The following HOTAIR variants were observed in gnomAD, a reference collection of about 807,000 sequenced individuals.
HOTAIR encodes HOX transcript antisense RNA (non-protein coding).
Position 53,973,046 on chromosome 12 carries a change from C to T in HOTAIR, n.59+1852G>A, listed in dbSNP as rs1277751295. The T allele has an allele frequency of 4.0e-6, 2 of 497,970 alleles. No individual in the cohort carries two copies. The highest frequency in any genetic ancestry group is 2.0e-5 in the African/African-American group (1 of 50,722). The allele number at this position is 497,970 out of a possible 1,614,324, so 30.8% of individuals were successfully genotyped here. ...TGCAAACCAATCGCCTGAACGTCCC[C>T]GATCTTACCTAAGAGAGAACCCCTC... On this transcript the variant is annotated intron_variant and non_coding_transcript_variant, in intron 1 of 6. Coordinates refer to ENST00000424518, the Ensembl canonical transcript of HOTAIR. The surrounding 1 kb of genome is among the most constrained non-coding windows in gnomAD (Gnocchi z 4.3).
At chr12:53,971,276 G>A (rs1160887964) in intron 1 of HOTAIR, among the ~76,000 whole-genome samples, 1 of 152,174 alleles carries the variant, frequency 6.6e-6, no homozygotes, top group South Asian at 2.1e-4. Context: ...AGAACTAAAG[G>A]AGTAGCGCCC....
At chr12:53,967,569 G>C (rs1012986668) in intron 2 of HOTAIR, among the ~76,000 whole-genome samples, 1 of 152,208 alleles carries the variant, frequency 6.6e-6, no homozygotes, top group Non-Finnish European at 1.5e-5. Flanking sequence ...TGGGCTCAAC[G>C]GGCTGGAGGG....
intron 1 of HOTAIR, among the ~76,000 whole-genome samples, chr12:53,974,538 G>A (rs1939214352): frequency 6.6e-6 from 1 of 152,158 alleles, no homozygotes; most frequent in African/African-American, 2.4e-5. Context: ...GCGGCGACAG[G>A]GGAATGGGGC....
rs1051786000 is a variant in HOTAIR, at chr12:53,973,961, G to A, written n.59+937C>T. ...GGCCGGGGAACGGGCGGGCAGCGAG[G>A]GAGGGAGCGAGAGAGGGAGGGCGAG... On this transcript the variant is annotated intron_variant and non_coding_transcript_variant, in intron 1 of 6. Transcript: ENST00000424518. The surrounding 1 kb of genome is among the most constrained non-coding windows in gnomAD (Gnocchi z 4.3). 10 of 1,429,192 alleles carry A rather than the reference G, an allele frequency of 7.0e-6. No individual in the cohort carries two copies. The highest frequency in any genetic ancestry group is 9.2e-6 in the Non-Finnish European group (10 of 1,089,556). 88.5% of individuals were successfully genotyped at this position (1,429,192 alleles called of 1,614,324 possible). A position where few individuals can be genotyped will look rare whatever the true frequency, so the allele number is the denominator to read the frequency against.
At chr12:53,972,264 G>A (rs1347935868) in intron 1 of HOTAIR, among the ~76,000 whole-genome samples, 2 of 152,190 alleles carry the variant, frequency 1.3e-5, no homozygotes, top group African/African-American at 4.8e-5. Flanking sequence ...TTTTCTTTGG[G>A]GTTTGGGATT....
chr12:53,964,787 A>G (rs1434532494), intron 5 of HOTAIR, among the ~76,000 whole-genome samples: 1 of 152,216 alleles, frequency 6.6e-6, no homozygotes, highest in East Asian at 1.9e-4. Flanking sequence ...CAAAATGGCT[A>G]TTCCTAAATC....
chr12:53,965,075 A>C (rs1481356061), intron 5 of HOTAIR, among the ~76,000 whole-genome samples: 4 of 152,250 alleles, frequency 2.6e-5, no homozygotes, highest in Non-Finnish European at 4.4e-5. Flanking sequence ...GCAATAGACA[A>C]GGTGGAGAGG....
At chr12:53,970,811 T>C (rs1338727986) in intron 1 of HOTAIR, among the ~76,000 whole-genome samples, 1 of 152,178 alleles carries the variant, frequency 6.6e-6, no homozygotes, top group African/African-American at 2.4e-5. Context: ...CCTCACAGGA[T>C]ACAGCCCCTA....
chr12:53,969,613 G>T (rs957433055), intron 1 of HOTAIR, among the ~76,000 whole-genome samples: 47 of 152,222 alleles, frequency 3.1e-4, no homozygotes, highest in African/African-American at 1.1e-3. Context: ...AGGGATTATT[G>T]CAGGCAGTGA....
chr12:53,972,215 G>C (rs1291377856), intron 1 of HOTAIR, among the ~76,000 whole-genome samples: 1 of 152,202 alleles, frequency 6.6e-6, no homozygotes, highest in African/African-American at 2.4e-5. Flanking sequence ...TAAGCCAAAG[G>C]GCCCTGACAT....
At chr12:53,971,702 T>C (rs529939865) in intron 1 of HOTAIR, among the ~76,000 whole-genome samples, 5 of 152,382 alleles carry the variant, frequency 3.3e-5, no homozygotes, top group East Asian at 1.9e-4. Flanking sequence ...AGCTCCTCTT[T>C]GGATCCAAGG....
chr12:53,974,438 C>G (rs528011339), intron 1 of HOTAIR, among the ~76,000 whole-genome samples: 5 of 152,008 alleles, frequency 3.3e-5, no homozygotes, highest in African/African-American at 1.2e-4. Flanking sequence ...AAGCCAGGAC[C>G]GCTATGATCC....
At chr12:53,963,242 A>G (rs577428774) in exon 7 of HOTAIR, 5 of 152,168 alleles carry the variant, frequency 3.3e-5, no homozygotes, top group Admixed American at 3.3e-4. Context: ...GGCCTACACA[A>G]CCCCTTCGCT....
intron 1 of HOTAIR, among the ~76,000 whole-genome samples, chr12:53,969,570 A>G (rs1346738361): frequency 6.6e-6 from 1 of 152,218 alleles, no homozygotes; most frequent in African/African-American, 2.4e-5. Flanking sequence ...GTGCAAGATA[A>G]ACCACTGACC....
rs114196481 is a variant in HOTAIR at position 53,969,735 on chromosome 12, C to T, written n.60-979G>A. 3.2e-3 allele frequency among the ~76,000 whole-genome samples: 492 copies of T among 152,356 alleles called. 1 individual carries two copies. The highest frequency in any genetic ancestry group is 0.011 in the African/African-American group (476 of 41,576). On this transcript the variant is annotated intron_variant and non_coding_transcript_variant, in intron 1 of 6. Coordinates refer to ENST00000424518, the Ensembl canonical transcript of HOTAIR. Reference sequence around the variant, plus strand: ...CGAGAGCGTCCATGTGTGGGACTCTCTCCGCTTATCTTTTTATTGACTCCA... The same window carrying T: ...CGAGAGCGTCCATGTGTGGGACTCTTTCCGCTTATCTTTTTATTGACTCCA...
At chr12:53,962,999 A>T (rs139288906) in exon 7 of HOTAIR, 4 of 152,398 alleles carry the variant, frequency 2.6e-5, no homozygotes, top group African/African-American at 9.6e-5. Context: ...CAGTTAGAAA[A>T]GCGGTGCCAC....
At chr12:53,962,539 G>A (rs1473385455) in exon 7 of HOTAIR, 1 of 152,164 alleles carries the variant, frequency 6.6e-6, no homozygotes, top group Non-Finnish European at 1.5e-5. Context: ...CCCAATGTAT[G>A]GAAAATATAT....
intron 2 of HOTAIR, chr12:53,967,916 G>C (rs1489397829): frequency 6.6e-6 from 1 of 152,138 alleles, no homozygotes; most frequent in Non-Finnish European, 1.5e-5. Flanking sequence ...ATTCAGGGTG[G>C]GTGGGGGTAT....
Position 53,973,726 on chromosome 12 carries a change from G to T in HOTAIR, n.59+1172C>A. On this transcript the variant is annotated intron_variant and non_coding_transcript_variant, in intron 1 of 6. Transcript: ENST00000424518. The surrounding 1 kb of genome is among the most constrained non-coding windows in gnomAD (Gnocchi z 4.3). The stretch of plus-strand genomic sequence containing the variant: ...TTCTTCGACAACGCCTACTGCGGTG[G>T]CGGCGACCCGCCCGCCGAGCCCCCC... 4 of 1,612,200 alleles carry T rather than the reference G, an allele frequency of 2.5e-6. No individual in the cohort carries two copies. Among genetic ancestry groups the T allele is most frequent in the Non-Finnish European group, 3.4e-6 (4 of 1,179,462 alleles).
Sources: allele counts gnomAD v4.1 joint callset (sites outside exome capture counted in the v4.1 genomes callset), GRCh38; gene constraint gnomAD v4.1.1; non-coding constraint Gnocchi (gnomAD v3.1); transcripts MANE v1.5; gene names NCBI Gene and HGNC (gene_info 2026-07-23, HGNC 2026-07-21).